Variants in LRRTM3 observed in about 807,000 individuals in gnomAD.
LRRTM3 encodes the protein leucine rich repeat transmembrane neuronal 3.
Under a neutral mutation model 44.7 loss-of-function variants are expected in LRRTM3, and 24 were observed. The ratio of observed to expected loss-of-function variants is 0.54; its 90% confidence interval spans 0.39 to 0.76. The LOEUF is 0.76. Among genes scored for constraint, LRRTM3 ranks in the 30% least tolerant of loss-of-function variants. LRRTM3 has a pLI of 0.00. For synonymous variants in LRRTM3, 277 were observed against 278.7 expected, an observed-to-expected ratio of 0.99 and a Z score of 0.06; for missense variants, 587 against 702.2, an observed-to-expected ratio of 0.84 and a Z score of 1.85.
intron 2 of LRRTM3, among the ~76,000 whole-genome samples, chr10:67,059,674 T>C (rs1015420394): frequency 6.6e-6 from 1 of 152,176 alleles, no homozygotes; most frequent in African/African-American, 2.4e-5. Context: ...GGTCAAGTGA[T>C]GGTTTCCCTG....
At position 66,962,301 on chromosome 10, in the gene LRRTM3, A is replaced by T. The variant is rs569230267; in HGVS notation, c.1536+33849A>T. 2.6e-5 allele frequency among the ~76,000 whole-genome samples: 4 copies of T among 152,184 alleles called. No homozygotes were observed. The East Asian group carries it at 7.7e-4, about 29-fold the overall frequency. ...TCTCTTTGGCTTATTACAGGAAGAG[A>T]ACTTCCTCATGGTCTCCGTACTTAC... is the stretch of plus-strand genomic sequence containing the variant. On this transcript the variant is annotated intron_variant, in intron 2 of 2. Transcript: ENST00000361320.
intron 2 of LRRTM3, among the ~76,000 whole-genome samples, chr10:67,094,207 C>T (rs1857830476): frequency 6.6e-6 from 1 of 151,802 alleles, no homozygotes; most frequent in African/African-American, 2.4e-5. Flanking sequence ...ATATCCCTCC[C>T]TTACAAATTT....
intron 2 of LRRTM3, among the ~76,000 whole-genome samples, chr10:67,030,208 T>C (rs1467151518): frequency 2.6e-5 from 4 of 152,240 alleles, no homozygotes; most frequent in African/African-American, 4.8e-5. Flanking sequence ...ATTGCATTTT[T>C]ACACTTAGCA....
At position 67,044,754 on chromosome 10, in the gene LRRTM3, TC is replaced by T. The variant is rs371024994; in HGVS notation, c.1537-52832del. 8.9e-4 allele frequency among the ~76,000 whole-genome samples: 136 copies of T among 152,298 alleles called. 3 individuals are homozygous for T. The highest frequency in any genetic ancestry group is 3.2e-3 in the African/African-American group (132 of 41,574). On this transcript the variant is annotated intron_variant, in intron 2 of 2. Transcript: ENST00000361320. Reference sequence around the variant, plus strand: ...TAAAGTAACATAATAGATATTTTGCTCAGCAAAAAGCATGATTCAGCCTAGC... The same window carrying T: ...TAAAGTAACATAATAGATATTTTGCTAGCAAAAAGCATGATTCAGCCTAGC...
intron 2 of LRRTM3, among the ~76,000 whole-genome samples, chr10:67,087,970 T>C (rs1192657336): frequency 6.6e-6 from 1 of 152,002 alleles, no homozygotes; most frequent in Non-Finnish European, 1.5e-5. Context: ...AAAAAGGTTA[T>C]GGTCTAATAT....
intron 2 of LRRTM3, among the ~76,000 whole-genome samples, chr10:67,064,561 A>G (rs925353438): frequency 2.6e-5 from 4 of 152,166 alleles, no homozygotes; most frequent in Non-Finnish European, 4.4e-5. Flanking sequence ...TTAGAACCAA[A>G]TAATTTTGAC....
At chr10:66,982,609 A>T (rs1306236194) in intron 2 of LRRTM3, among the ~76,000 whole-genome samples, 1 of 152,226 alleles carries the variant, frequency 6.6e-6, no homozygotes, top group Non-Finnish European at 1.5e-5. Context: ...GAAATTAGAC[A>T]AAGACAATTG....
At chr10:66,996,649 C>CA (rs57025097) in intron 2 of LRRTM3, among the ~76,000 whole-genome samples, 11,445 of 67,368 alleles carry the variant, frequency 0.17, 1,817 homozygotes, top group South Asian at 0.2. Flanking sequence ...TCCGTCTCTA[C>CA]AAAAAAAAAA....
Position 66,928,465 on chromosome 10 carries a change from G to T in LRRTM3, c.1536+13G>T. On this transcript the variant is annotated intron_variant, in intron 2 of 2. Coordinates refer to ENST00000361320, the MANE Select transcript of LRRTM3 (RefSeq NM_178011.5). ...CAGGGAGTGTGAGGTATGAACCATT[G>T]TGATAAAAAGAGCTCTTAAAAGCTG... 4 of 1,569,996 alleles carry T rather than the reference G, an allele frequency of 2.5e-6. No homozygotes were observed. Among genetic ancestry groups the T allele is most frequent in the Non-Finnish European group, 3.4e-6 (4 of 1,161,826 alleles).
intron 2 of LRRTM3, among the ~76,000 whole-genome samples, chr10:67,091,651 GA>G (rs1857648337): frequency 6.6e-6 from 1 of 152,190 alleles, no homozygotes; most frequent in African/African-American, 2.4e-5. Context: ...TCACTAAGGT[GA>G]AAAAGGTAAT....
chr10:66,962,013 C>G (rs1404828350), intron 2 of LRRTM3, among the ~76,000 whole-genome samples: 1 of 152,156 alleles, frequency 6.6e-6, no homozygotes, highest in Non-Finnish European at 1.5e-5. Flanking sequence ...ATTTTACTAA[C>G]CATATTGCCA....
At chr10:67,056,225 T>C (rs1194683948) in intron 2 of LRRTM3, among the ~76,000 whole-genome samples, 1 of 152,114 alleles carries the variant, frequency 6.6e-6, no homozygotes, top group Non-Finnish European at 1.5e-5. Flanking sequence ...GGTATACAAG[T>C]TCTAATTCAA....
At chr10:66,993,124 T>C (rs1422923654) in intron 2 of LRRTM3, among the ~76,000 whole-genome samples, 3 of 152,184 alleles carry the variant, frequency 2.0e-5, no homozygotes, top group Non-Finnish European at 2.9e-5. Flanking sequence ...CTCATTCGCA[T>C]GGTTGACTAC....
Position 67,045,341 on chromosome 10 carries a change from T to A in LRRTM3, c.1537-52246T>A, listed in dbSNP as rs1854660565. Among the ~76,000 whole-genome samples the A allele has an allele frequency of 3.3e-5, 5 of 152,134 alleles. No homozygotes were observed. The South Asian group carries it at 1.0e-3, about 32-fold the overall frequency. On this transcript the variant is annotated intron_variant, in intron 2 of 2. Transcript: ENST00000361320. ...TTTAAAGAACCACAGGAGATTGAAA[T>A]TGGCAGAAACCCTGGAGGTCACCAA...
chr10:66,982,755 G>C (rs1413774981), intron 2 of LRRTM3, among the ~76,000 whole-genome samples: 1 of 152,168 alleles, frequency 6.6e-6, no homozygotes. Context: ...GAAAAGAAAA[G>C]TAGCAAATAG....
intron 2 of LRRTM3, among the ~76,000 whole-genome samples, chr10:66,983,666 G>C (rs1276445729): frequency 6.6e-6 from 1 of 152,144 alleles, no homozygotes; most frequent in Non-Finnish European, 1.5e-5. Context: ...AACAGCTTCA[G>C]AAATGACCTC....
At chr10:67,021,997 C>T (rs117277796) in intron 2 of LRRTM3, among the ~76,000 whole-genome samples, 2,099 of 152,284 alleles carry the variant, frequency 0.014, 22 homozygotes, top group Middle Eastern at 0.034. Context: ...AAGTTCTGCT[C>T]TAATTGTTAA....
intron 2 of LRRTM3, among the ~76,000 whole-genome samples, chr10:67,078,662 A>G (rs565036507): frequency 7.2e-5 from 11 of 152,106 alleles, no homozygotes; most frequent in South Asian, 2.1e-4. Flanking sequence ...GATTACAGGC[A>G]CCCACCACCA....
chr10:67,078,622 T>A (rs113200767), intron 2 of LRRTM3, among the ~76,000 whole-genome samples: 2,370 of 152,190 alleles, frequency 0.016, 40 homozygotes, highest in Admixed American at 0.062. Context: ...GTTCAAGCAA[T>A]TCTCCTGCCT....
Sources: allele counts gnomAD v4.1 joint callset (sites outside exome capture counted in the v4.1 genomes callset), GRCh38; gene constraint gnomAD v4.1.1; transcripts MANE v1.5; gene names NCBI Gene and HGNC (gene_info 2026-07-23, HGNC 2026-07-21).